UNC5D: variants seen among roughly 807,000 people sequenced by gnomAD.
UNC5D encodes netrin receptor UNC5D.
UNC5D carries 39 observed loss-of-function variants against 105.4 expected under a neutral mutation model. The ratio of observed to expected loss-of-function variants is 0.37; its 90% confidence interval spans 0.29 to 0.48. UNC5D has a LOEUF of 0.48. Ranked by LOEUF, UNC5D falls within the 20% of genes least tolerant of loss-of-function variation. The pLI is 0.98. For synonymous variants in UNC5D, 452 were observed against 450.4 expected, an observed-to-expected ratio of 1.00 and a Z score of -0.04; for missense variants, 991 against 1,202.4, an observed-to-expected ratio of 0.82 and a Z score of 2.60.
intron 1 of UNC5D, among the ~76,000 whole-genome samples, chr8:35,377,532 T>C (rs376853285): frequency 6.6e-6 from 1 of 152,154 alleles, no homozygotes; most frequent in Non-Finnish European, 1.5e-5. Context: ...CATTCCAGCA[T>C]GTTGACCTCA....
intron 1 of UNC5D, among the ~76,000 whole-genome samples, chr8:35,287,508 A>G (rs1234312753): frequency 6.6e-6 from 1 of 152,106 alleles, no homozygotes; most frequent in Non-Finnish European, 1.5e-5. Context: ...GAAAGCTTCA[A>G]AGAAGACTGG....
chr8:35,610,205 G>T (rs1055582377), intron 4 of UNC5D, among the ~76,000 whole-genome samples: 2 of 151,704 alleles, frequency 1.3e-5, no homozygotes, highest in African/African-American at 4.8e-5. Flanking sequence ...AAGCTCTCAG[G>T]TCACTAGGAA....
chr8:35,366,194 A>G (rs979753980), intron 1 of UNC5D, among the ~76,000 whole-genome samples: 1 of 151,984 alleles, frequency 6.6e-6, no homozygotes, highest in African/African-American at 2.4e-5. Context: ...TTTTTTCTAA[A>G]TCAGGCGTCT....
intron 7 of UNC5D, among the ~76,000 whole-genome samples, chr8:35,701,087 G>A (rs143652026): frequency 9.0e-4 from 137 of 152,228 alleles, no homozygotes; most frequent in African/African-American, 3.2e-3. Flanking sequence ...GTAAAAATAC[G>A]GGATATGACT....
intron 1 of UNC5D, among the ~76,000 whole-genome samples, chr8:35,437,796 C>A (rs1254912470): frequency 1.3e-5 from 2 of 151,182 alleles, no homozygotes; most frequent in Non-Finnish European, 2.9e-5. Context: ...ACCTTTTCTG[C>A]GAGAAATGGT....
intron 1 of UNC5D, among the ~76,000 whole-genome samples, chr8:35,380,128 C>CGA (rs199861021): frequency 0.014 from 1,445 of 101,182 alleles, 64 homozygotes; most frequent in African/African-American, 0.056. Flanking sequence ...AGAGAGACAC[C>CGA]GAGAGAGAGA....
chr8:35,686,555 C>A lies in UNC5D; in HGVS notation c.930C>A (p.Ser310Arg). The part of the protein sequence containing the change: ...TCTSLCPVDG[S>R]WEVWSEWSVC... ...TGTTTCCCTTTGAAGTGGATGGGAG[C>A]TGGGAAGTGTGGAGCGAATGGTCCG... Residue 310 changes from serine (S) to arginine (R), a missense_variant, in exon 7 of 17, where the codon AGC (serine) becomes AGA (arginine). By Grantham distance (110) the Ser-to-Arg change is moderately radical. Transcript: ENST00000404895. 1 of 1,574,308 alleles carries A rather than the reference C, an allele frequency of 6.4e-7. No homozygotes were observed. The highest frequency in any genetic ancestry group is 8.6e-7 in the Non-Finnish European group (1 of 1,166,530).
intron 1 of UNC5D, among the ~76,000 whole-genome samples, chr8:35,514,071 AT>A (rs1812955960): frequency 6.6e-6 from 1 of 152,194 alleles, no homozygotes; most frequent in Non-Finnish European, 1.5e-5. Flanking sequence ...GAAGAAAAAG[AT>A]TTAATGAAGT....
chr8:35,738,848 C>T (rs963417255), intron 11 of UNC5D, among the ~76,000 whole-genome samples: 20 of 152,162 alleles, frequency 1.3e-4, no homozygotes, highest in African/African-American at 4.1e-4. Context: ...ATGCGTGAAT[C>T]GTCCATGTCA....
chr8:35,611,312 T>G (rs1303296771), intron 4 of UNC5D, among the ~76,000 whole-genome samples: 1 of 152,168 alleles, frequency 6.6e-6, no homozygotes, highest in Non-Finnish European at 1.5e-5. Flanking sequence ...TCCTTCAAGG[T>G]CAAGATAAAG....
rs539185324 is a variant in UNC5D, at chr8:35,411,442, C to T, written c.104-137850C>T. Among the ~76,000 whole-genome samples, 291 of 152,174 alleles carry T rather than the reference C, an allele frequency of 1.9e-3. 3 individuals carry two copies. Among genetic ancestry groups the T allele is most frequent in the African/African-American group, 6.7e-3 (279 of 41,558 alleles). ...AGAGTAGCAGCACTCTTTCCTAACCCTAAATATTTTTTATGGGGCAGAGAT... is the reference window on the plus strand; with the variant it reads ...AGAGTAGCAGCACTCTTTCCTAACCTTAAATATTTTTTATGGGGCAGAGAT... On this transcript the variant is annotated intron_variant, in intron 1 of 16. Transcript: ENST00000404895.
intron 4 of UNC5D, among the ~76,000 whole-genome samples, chr8:35,678,795 CT>C (rs1241823708): frequency 2.0e-5 from 3 of 152,184 alleles, no homozygotes; most frequent in Admixed American, 2.0e-4. Context: ...TGCATCCTTT[CT>C]TTTTTCCTCT....
chr8:35,329,624 C>A (rs903508682), intron 1 of UNC5D, among the ~76,000 whole-genome samples: 1 of 151,906 alleles, frequency 6.6e-6, no homozygotes, highest in Non-Finnish European at 1.5e-5. Flanking sequence ...ATGTATTAGG[C>A]CATGATCGGG....
At chr8:35,734,019 G>A (rs1394486765) in intron 11 of UNC5D, among the ~76,000 whole-genome samples, 2 of 151,882 alleles carry the variant, frequency 1.3e-5, no homozygotes, top group African/African-American at 4.8e-5. Flanking sequence ...TCACCCTGAT[G>A]CCAGAACATT....
At chr8:35,325,099 A>G (rs1410793921) in intron 1 of UNC5D, among the ~76,000 whole-genome samples, 3 of 152,180 alleles carry the variant, frequency 2.0e-5, no homozygotes, top group East Asian at 3.9e-4. Context: ...GGCCTCAGAA[A>G]TGGGAGACCC....
Position 35,317,286 on chromosome 8 carries a change from G to A in UNC5D, c.103+81399G>A, listed in dbSNP as rs536633176. On this transcript the variant is annotated intron_variant, in intron 1 of 16. Coordinates refer to ENST00000404895, the MANE Select transcript of UNC5D (RefSeq NM_080872.4). The stretch of plus-strand genomic sequence containing the variant: ...CACCTGTTCCTGCTAAAATAAAGAA[G>A]TCTGTTTGCTGATAGATAACACCTC... Among the ~76,000 whole-genome samples the A allele has an allele frequency of 3.4e-3, 520 of 152,186 alleles. 6 individuals carry two copies. The highest frequency in any genetic ancestry group is 0.012 in the African/African-American group (503 of 41,540).
intron 1 of UNC5D, among the ~76,000 whole-genome samples, chr8:35,460,683 A>G (rs1459294906): frequency 6.6e-6 from 1 of 152,240 alleles, no homozygotes; most frequent in African/African-American, 2.4e-5. Flanking sequence ...AAGATCTGCA[A>G]GCTGCTTGAA....
chr8:35,679,001 C>T (rs1389154253), intron 4 of UNC5D, among the ~76,000 whole-genome samples: 2 of 152,054 alleles, frequency 1.3e-5, no homozygotes, highest in South Asian at 2.1e-4. Context: ...GCCAGTAATC[C>T]CAGCACTTTA....
chr8:35,419,285 G>A (rs1370220586), intron 1 of UNC5D, among the ~76,000 whole-genome samples: 2 of 152,262 alleles, frequency 1.3e-5, no homozygotes, highest in African/African-American at 2.4e-5. Context: ...GGCCAGTGAT[G>A]CCTCTGCCCA....
Sources: gnomAD v4.1 joint callset for allele counts (sites outside exome capture counted in the v4.1 genomes callset) on GRCh38, gnomAD v4.1.1 for gene constraint, MANE v1.5 for transcripts, NCBI Gene and HGNC (gene_info 2026-07-23, HGNC 2026-07-21) for gene names.